ATXN1: variants seen among roughly 807,000 people sequenced by gnomAD.
ATXN1 encodes the protein ataxin-1.
A neutral mutation model predicts 56.4 loss-of-function variants in ATXN1; 8 were observed. The observed-to-expected ratio is 0.14, with a 90% CI of 0.08 to 0.26. ATXN1 has a LOEUF of 0.26. Among genes scored for constraint, ATXN1 ranks in the 10% least tolerant of loss-of-function variants. The probability of loss-of-function intolerance (pLI) is 1.00; values close to 1 mark genes in which losing one functional copy is unlikely to be tolerated. For synonymous variants in ATXN1, 514 were observed against 494.6 expected (o/e 1.04, Z -0.52); for missense variants, 987 against 1,106.5 (o/e 0.89, Z 1.53).
At chr6:16,507,091 A>T (rs1234134809) in intron 5 of ATXN1, among the ~76,000 whole-genome samples, 1 of 152,224 alleles carries the variant, frequency 6.6e-6, no homozygotes. Flanking sequence ...AAGCCTTAGA[A>T]TATGATGGAT....
intron 3 of ATXN1, among the ~76,000 whole-genome samples, chr6:16,588,798 G>A (rs1180300253): frequency 6.6e-6 from 1 of 152,004 alleles, no homozygotes; most frequent in Non-Finnish European, 1.5e-5. Context: ...GAGGGAAGGA[G>A]GAAGGGAGGG....
chr6:16,312,960 C>T (rs1240101320), intron 7 of ATXN1, among the ~76,000 whole-genome samples: 1 of 152,170 alleles, frequency 6.6e-6, no homozygotes, highest in African/African-American at 2.4e-5. Flanking sequence ...TCACTGCAAC[C>T]TCTGCTTCCT....
chr6:16,572,469 A>G (rs949379847), intron 4 of ATXN1, among the ~76,000 whole-genome samples: 1 of 151,998 alleles, frequency 6.6e-6, no homozygotes, highest in African/African-American at 2.4e-5. Flanking sequence ...GCAAGGCCAT[A>G]CCTCCCCAAG....
intron 3 of ATXN1, among the ~76,000 whole-genome samples, chr6:16,601,802 A>G (rs1762917619): frequency 6.6e-6 from 1 of 152,192 alleles, no homozygotes; most frequent in African/African-American, 2.4e-5. Context: ...GCAGTGAGCC[A>G]AGATTGCACC....
At position 16,699,161 on chromosome 6, in the gene ATXN1, G is replaced by A. The variant is rs528988293; in HGVS notation, c.-614-41260C>T. Among the ~76,000 whole-genome samples, 22 of 152,228 alleles carry A rather than the reference G, an allele frequency of 1.4e-4. No homozygotes were observed. In the South Asian group the frequency reaches 1.4e-3, roughly 10 times the overall value. On this transcript the variant is annotated intron_variant, in intron 2 of 7. Transcript: ENST00000436367. ...ACTTTCAAGGGTTCAGTAGCTCCAC[G>A]GCAGAAAGAAACTTCTCTATTACTC...
rs1487518258 is a variant in ATXN1 at position 16,304,133 on chromosome 6, A to G, written c.*2196T>C. The G allele has an allele frequency of 2.0e-5, 3 of 152,462 alleles. No individual in the cohort carries two copies. Among genetic ancestry groups the G allele is most frequent in the Non-Finnish European group, 4.4e-5 (3 of 68,024 alleles). 9.4% of individuals were successfully genotyped at this position (152,462 alleles called of 1,614,324 possible). A position where few individuals can be genotyped will look rare whatever the true frequency, so the allele number is the denominator to read the frequency against. Reference sequence around the variant, plus strand: ...TAGTCCTGGTGAACCCTAAATGTAAATGAATACTAGACAGCCAAAATGTGG... The same window carrying G: ...TAGTCCTGGTGAACCCTAAATGTAAGTGAATACTAGACAGCCAAAATGTGG... On this transcript the variant is annotated 3_prime_UTR_variant, in exon 8 of 8. Transcript: ENST00000436367.
rs944874130 is a variant in ATXN1 at position 16,359,654 on chromosome 6, A to G, written c.-160-31184T>C. ...ACTCAATGGGACGATCTGCTTATAG[A>G]GAGGAGCTCCCCACTCCTCCGAGTT... On this transcript the variant is annotated intron_variant, in intron 6 of 7. Transcript: ENST00000436367. Among the ~76,000 whole-genome samples, 3 of 152,244 alleles carry G rather than the reference A, an allele frequency of 2.0e-5. No homozygotes were observed. In the South Asian group the frequency reaches 6.2e-4, roughly 32 times the overall value.
intron 5 of ATXN1, among the ~76,000 whole-genome samples, chr6:16,497,136 G>A (rs992931367): frequency 6.6e-6 from 1 of 152,132 alleles, no homozygotes; most frequent in Non-Finnish European, 1.5e-5. Flanking sequence ...CTTCGTTATG[G>A]AAATGAAGTG....
chr6:16,486,583 A>G (rs1472825992), intron 5 of ATXN1, among the ~76,000 whole-genome samples: 1 of 152,186 alleles, frequency 6.6e-6, no homozygotes, highest in Non-Finnish European at 1.5e-5. Flanking sequence ...GCCAGAATAC[A>G]AAAGCCAGCA....
intron 4 of ATXN1, among the ~76,000 whole-genome samples, chr6:16,573,710 T>C (rs1053520478): frequency 2.0e-5 from 3 of 152,136 alleles, no homozygotes; most frequent in African/African-American, 7.2e-5. Flanking sequence ...GCAATGCACA[T>C]ATAACTCCGC....
At chr6:16,643,741 C>G (rs1176897852) in intron 3 of ATXN1, among the ~76,000 whole-genome samples, 1 of 150,928 alleles carries the variant, frequency 6.6e-6, no homozygotes, top group Non-Finnish European at 1.5e-5. Flanking sequence ...GAGGGGAAAT[C>G]AACTCCAAAG....
chr6:16,423,140 A>G (rs1023605863), intron 6 of ATXN1, among the ~76,000 whole-genome samples: 1 of 152,186 alleles, frequency 6.6e-6, no homozygotes, highest in African/African-American at 2.4e-5. Flanking sequence ...TGAAAACTGT[A>G]GTGCTGGCTC....
At chr6:16,340,309 A>T (rs549770617) in intron 6 of ATXN1, among the ~76,000 whole-genome samples, 13 of 152,198 alleles carry the variant, frequency 8.5e-5, no homozygotes, top group Non-Finnish European at 1.5e-4. Context: ...GGGCCTAGGG[A>T]CTAGAGGTCA....
intron 5 of ATXN1, among the ~76,000 whole-genome samples, chr6:16,521,272 G>A (rs935532378): frequency 2.6e-5 from 4 of 152,208 alleles, no homozygotes; most frequent in Admixed American, 1.3e-4. Context: ...TAAAAAAAAC[G>A]AATAAATGGG....
chr6:16,670,197 T>C (rs768076783), intron 2 of ATXN1, among the ~76,000 whole-genome samples: 2 of 152,208 alleles, frequency 1.3e-5, no homozygotes, highest in Non-Finnish European at 1.5e-5. Flanking sequence ...ATTTCCTGGT[T>C]ATGCTACTTG....
intron 2 of ATXN1, among the ~76,000 whole-genome samples, chr6:16,697,104 T>C (rs1159155833): frequency 6.6e-6 from 1 of 152,202 alleles, no homozygotes; most frequent in Non-Finnish European, 1.5e-5. Context: ...AGAGTGTTAG[T>C]ATTAGCGGGA....
At chr6:16,429,887 G>T (rs895095895) in intron 6 of ATXN1, among the ~76,000 whole-genome samples, 1 of 152,180 alleles carries the variant, frequency 6.6e-6, no homozygotes, top group African/African-American at 2.4e-5. Flanking sequence ...ACTGTGGGAC[G>T]TGGAGCTCAA....
chr6:16,371,689 A>G (rs1331441276), intron 6 of ATXN1, among the ~76,000 whole-genome samples: 4 of 151,966 alleles, frequency 2.6e-5, no homozygotes, highest in African/African-American at 9.7e-5. Flanking sequence ...AGTAGCTGGG[A>G]CTACAGGCAT....
chr6:16,487,660 C>T (rs1760577033), intron 5 of ATXN1, among the ~76,000 whole-genome samples: 3 of 152,188 alleles, frequency 2.0e-5, no homozygotes, highest in Non-Finnish European at 4.4e-5. Context: ...TAGCCCAGGA[C>T]CCTGCACCCA....
Sources: gnomAD v4.1 joint callset for allele counts (sites outside exome capture counted in the v4.1 genomes callset) on GRCh38, gnomAD v4.1.1 for gene constraint, MANE v1.5 for transcripts, NCBI Gene and HGNC (gene_info 2026-07-23, HGNC 2026-07-21) for gene names.